CRIM1: variants seen among roughly 807,000 people sequenced by gnomAD.
The protein encoded by CRIM1 is cysteine rich transmembrane BMP regulator 1, also known as cysteine-rich motor neuron 1 protein.
A neutral mutation model predicts 116.4 loss-of-function variants in CRIM1; 32 were observed. The ratio of observed to expected loss-of-function variants is 0.27; its 90% CI spans 0.21 to 0.37. CRIM1 has a LOEUF of 0.37. Ranked by LOEUF, CRIM1 falls within the 10% of genes least tolerant of loss-of-function variation. CRIM1 has a pLI of 1.00. For missense variants in CRIM1, 1,331 were observed against 1,354.8 expected (o/e 0.98, Z 0.28); for synonymous variants, 590 against 509.2 (o/e 1.16, Z -2.13).
chr2:36,385,560 G>A (rs1452781869), intron 1 of CRIM1, among the ~76,000 whole-genome samples: 2 of 152,084 alleles, frequency 1.3e-5, no homozygotes, highest in Admixed American at 1.3e-4. Flanking sequence ...TCATAGAGGG[G>A]CCTCTGCTTG....
intron 16 of CRIM1, among the ~76,000 whole-genome samples, chr2:36,548,267 CTT>C (rs11318146): frequency 0.07 from 9,700 of 137,758 alleles, 672 homozygotes; most frequent in East Asian, 0.41. Flanking sequence ...TTTCACCAGT[CTT>C]TTTTTTTTTT....
chr2:36,517,950 T>C (rs2125122556), intron 12 of CRIM1, among the ~76,000 whole-genome samples: 1 of 152,360 alleles, frequency 6.6e-6, no homozygotes, highest in East Asian at 1.9e-4. Context: ...CAAAATTCTT[T>C]GTAAATAAAA....
At position 36,356,829 on chromosome 2, in the gene CRIM1, G is replaced by A; in HGVS notation, c.331+206G>A. Among the ~76,000 whole-genome samples the A allele has an allele frequency of 6.6e-6, 1 of 152,240 alleles. No homozygotes were observed. Among genetic ancestry groups the A allele is most frequent in the East Asian group, 1.9e-4 (1 of 5,182 alleles). ...CGACGCTTAGGCAGTCGCGGGCGAG[G>A]TTGGGTATGGTGGGTGGGGGCGAGC... is the stretch of plus-strand genomic sequence containing the variant. On this transcript the variant is annotated intron_variant, in intron 1 of 16. Coordinates refer to ENST00000280527, the MANE Select transcript of CRIM1 (RefSeq NM_016441.3). The surrounding 1 kb of genome is among the most constrained non-coding windows in gnomAD (Gnocchi z 4.3).
chr2:36,379,542 A>T (rs10167894), intron 1 of CRIM1, among the ~76,000 whole-genome samples: 29,121 of 152,112 alleles, frequency 0.19, 3,456 homozygotes, highest in Non-Finnish European at 0.27. Flanking sequence ...GTGCAGAGGT[A>T]ATGTGCAGTC....
At chr2:36,420,925 G>C (rs1007643047) in intron 2 of CRIM1, among the ~76,000 whole-genome samples, 1 of 152,144 alleles carries the variant, frequency 6.6e-6, no homozygotes, top group African/African-American at 2.4e-5. Flanking sequence ...ACCTTCTTGA[G>C]TCTCTCCTGC....
At chr2:36,466,220 C>T (rs372647778) in intron 5 of CRIM1, among the ~76,000 whole-genome samples, 20 of 152,152 alleles carry the variant, frequency 1.3e-4, no homozygotes, top group South Asian at 1.2e-3. Context: ...CTATTCACAT[C>T]CAGAGGCACA....
chr2:36,454,297 C>G (rs1676971428), intron 4 of CRIM1, among the ~76,000 whole-genome samples: 1 of 152,128 alleles, frequency 6.6e-6, no homozygotes, highest in African/African-American at 2.4e-5. Context: ...TCTGGAATGC[C>G]TTCCCTCTGT....
chr2:36,469,342 A>T (rs1255750154), intron 5 of CRIM1, among the ~76,000 whole-genome samples: 1 of 152,152 alleles, frequency 6.6e-6, no homozygotes, highest in Non-Finnish European at 1.5e-5. Context: ...CATTTGAAAT[A>T]CTTCTGTTTT....
chr2:36,507,193 C>A (rs901223029), intron 8 of CRIM1, among the ~76,000 whole-genome samples: 9 of 152,174 alleles, frequency 5.9e-5, no homozygotes, highest in Non-Finnish European at 8.8e-5. Flanking sequence ...TATGATGATG[C>A]ATTTCTCTTA....
At chr2:36,407,035 G>A (rs74335689) in intron 2 of CRIM1, among the ~76,000 whole-genome samples, 11 of 152,032 alleles carry the variant, frequency 7.2e-5, no homozygotes, top group Non-Finnish European at 1.6e-4. Flanking sequence ...CACCTTCTGC[G>A]TGGGTCAGGG....
chr2:36,406,614 T>C (rs1328007500), intron 2 of CRIM1, among the ~76,000 whole-genome samples: 1 of 122,580 alleles, frequency 8.2e-6, no homozygotes, highest in African/African-American at 3.2e-5. Flanking sequence ...CTGCTAATAT[T>C]TGACCCCTCC....
chr2:36,472,158 G>A (rs1678578243), intron 5 of CRIM1, among the ~76,000 whole-genome samples: 2 of 152,186 alleles, frequency 1.3e-5, no homozygotes, highest in Admixed American at 6.5e-5. Flanking sequence ...TTCATATTGA[G>A]AAGTACAAAT....
At chr2:36,492,915 GA>G (rs1396239538) in intron 7 of CRIM1, among the ~76,000 whole-genome samples, 1 of 152,156 alleles carries the variant, frequency 6.6e-6, no homozygotes, top group African/African-American at 2.4e-5. Context: ...AGTCTGAAAA[GA>G]AAGCATAATT....
At chr2:36,391,064 T>G (rs1671544728) in intron 1 of CRIM1, among the ~76,000 whole-genome samples, 1 of 150,902 alleles carries the variant, frequency 6.6e-6, no homozygotes. Context: ...CCTTTCTTAG[T>G]CTCCCAAAGT....
intron 2 of CRIM1, among the ~76,000 whole-genome samples, chr2:36,438,405 G>C (rs7571902): frequency 0.23 from 35,351 of 152,078 alleles, 5,199 homozygotes; most frequent in East Asian, 0.56. Flanking sequence ...ACCAAATGCA[G>C]TTTACAAACT....
At chr2:36,413,813 C>A (rs1344596494) in intron 2 of CRIM1, among the ~76,000 whole-genome samples, 1 of 152,168 alleles carries the variant, frequency 6.6e-6, no homozygotes, top group African/African-American at 2.4e-5. Flanking sequence ...TCATTACATA[C>A]ACTTGTAAAG....
At chr2:36,416,209 A>AAATAATAAT (rs70946929) in intron 2 of CRIM1, among the ~76,000 whole-genome samples, 4,390 of 149,902 alleles carry the variant, frequency 0.029, 108 homozygotes, top group East Asian at 0.088. Flanking sequence ...TTTTGTCTCA[A>AAATAATAAT]AATAATAATA....
intron 1 of CRIM1, among the ~76,000 whole-genome samples, chr2:36,372,576 A>C (rs1238043234): frequency 6.6e-6 from 1 of 152,224 alleles, no homozygotes; most frequent in Non-Finnish European, 1.5e-5. Context: ...AGTCAAAGAC[A>C]CATGCAGAAT....
intron 12 of CRIM1, among the ~76,000 whole-genome samples, chr2:36,519,921 G>C (rs892976796): frequency 6.2e-5 from 3 of 48,156 alleles, no homozygotes; most frequent in African/African-American, 2.3e-4. Flanking sequence ...GAGGGAGGTA[G>C]AAAATAGAAA....
Sources: gnomAD v4.1 joint callset for allele counts (sites outside exome capture counted in the v4.1 genomes callset) on GRCh38, gnomAD v4.1.1 for gene constraint, Gnocchi (gnomAD v3.1) non-coding constraint, MANE v1.5 for transcripts, NCBI Gene and HGNC (gene_info 2026-07-23, HGNC 2026-07-21) for gene names.